Variants in HS3ST5 observed in about 807,000 individuals in gnomAD.
HS3ST5 encodes the protein heparan sulfate-glucosamine 3-sulfotransferase 5.
Under a neutral mutation model 25.4 loss-of-function variants are expected in HS3ST5, and 10 were observed. The observed-to-expected ratio is 0.39, with a 90% CI of 0.24 to 0.67. The LOEUF (loss-of-function observed/expected upper bound fraction) is 0.67. Ranked by LOEUF, HS3ST5 falls within the 30% of genes least tolerant of loss-of-function variation. The pLI, the probability that HS3ST5 is intolerant of heterozygous loss-of-function variation, is 0.44. For missense variants in HS3ST5, 324 were observed against 420.7 expected (o/e 0.77, Z 2.01); for synonymous variants, 170 against 162.4 (o/e 1.05, Z -0.36).
intron 2 of HS3ST5, among the ~76,000 whole-genome samples, chr6:114,191,908 A>T (rs1410178648): frequency 1.3e-5 from 2 of 152,190 alleles, no homozygotes; most frequent in Non-Finnish European, 2.9e-5. Flanking sequence ...CACGGCATTT[A>T]AATTTCAGTT....
At chr6:114,137,079 A>C (rs1373439673) in intron 3 of HS3ST5, among the ~76,000 whole-genome samples, 1 of 152,148 alleles carries the variant, frequency 6.6e-6, no homozygotes, top group Non-Finnish European at 1.5e-5. Flanking sequence ...TGGATATGAC[A>C]ATATAATGTA....
At chr6:114,177,179 AT>A (rs765063784) in intron 2 of HS3ST5, among the ~76,000 whole-genome samples, 367 of 152,128 alleles carry the variant, frequency 2.4e-3, no homozygotes, top group Non-Finnish European at 4.2e-3. Context: ...ATAATCTTGC[AT>A]TTTTTTTATC....
intron 1 of HS3ST5, among the ~76,000 whole-genome samples, chr6:114,284,923 C>T (rs984016650): frequency 3.3e-5 from 5 of 151,980 alleles, no homozygotes; most frequent in African/African-American, 9.7e-5. Flanking sequence ...CTGGATTGAT[C>T]TTCAGCTCAT....
intron 2 of HS3ST5, among the ~76,000 whole-genome samples, chr6:114,189,819 C>T (rs752477829): frequency 6.6e-6 from 1 of 152,114 alleles, no homozygotes; most frequent in Non-Finnish European, 1.5e-5. Context: ...ACTGTTATCT[C>T]CTCATTTTTG....
intron 3 of HS3ST5, among the ~76,000 whole-genome samples, chr6:114,126,425 GA>G (rs1318801963): frequency 1.3e-5 from 2 of 152,172 alleles, no homozygotes; most frequent in African/African-American, 2.4e-5. Flanking sequence ...GAGGTGGTAT[GA>G]AAAGCACTAT....
intron 1 of HS3ST5, among the ~76,000 whole-genome samples, chr6:114,276,991 C>T (rs1773885521): frequency 6.6e-6 from 1 of 152,068 alleles, no homozygotes; most frequent in South Asian, 2.1e-4. Context: ...GGGAGTGGTG[C>T]ATTTGGCAAA....
intron 2 of HS3ST5, among the ~76,000 whole-genome samples, chr6:114,221,591 A>G (rs985580272): frequency 6.6e-6 from 1 of 151,438 alleles, no homozygotes; most frequent in African/African-American, 2.4e-5. Flanking sequence ...ACTAAATTTT[A>G]CTGAAAAGTA....
chr6:114,274,495 A>T (rs1773767157), intron 1 of HS3ST5, among the ~76,000 whole-genome samples: 1 of 152,084 alleles, frequency 6.6e-6, no homozygotes, highest in South Asian at 2.1e-4. Flanking sequence ...AACTGAGGTT[A>T]TAAGGAAGAA....
chr6:114,207,973 C>T (rs2114413152), intron 2 of HS3ST5, among the ~76,000 whole-genome samples: 1 of 152,282 alleles, frequency 6.6e-6, no homozygotes, highest in Middle Eastern at 3.4e-3. Context: ...CAATACATCC[C>T]ATGTCTTACT....
At chr6:114,230,848 A>T (rs927752321) in intron 1 of HS3ST5, among the ~76,000 whole-genome samples, 4 of 151,984 alleles carry the variant, frequency 2.6e-5, no homozygotes, top group Non-Finnish European at 5.9e-5. Flanking sequence ...TCAGCCTCCC[A>T]AAGTGCTGGG....
intron 1 of HS3ST5, among the ~76,000 whole-genome samples, chr6:114,239,459 G>A (rs763655448): frequency 6.6e-6 from 1 of 152,294 alleles, no homozygotes; most frequent in Middle Eastern, 3.4e-3. Context: ...ATTGTGATGG[G>A]GTTTCCTTGG....
At chr6:114,293,107 T>C (rs556850036) in intron 1 of HS3ST5, among the ~76,000 whole-genome samples, 70 of 152,236 alleles carry the variant, frequency 4.6e-4, no homozygotes, top group African/African-American at 1.6e-3. Flanking sequence ...GGAGATGCAC[T>C]TAACTCAACT....
chr6:114,289,044 C>T (rs565646571), intron 1 of HS3ST5, among the ~76,000 whole-genome samples: 7 of 152,122 alleles, frequency 4.6e-5, no homozygotes, highest in Non-Finnish European at 8.8e-5. Flanking sequence ...ATAGTAGGCC[C>T]TTGATGAATG....
At chr6:114,174,742 C>G (rs548411682) in intron 2 of HS3ST5, among the ~76,000 whole-genome samples, 2 of 152,096 alleles carry the variant, frequency 1.3e-5, no homozygotes, top group East Asian at 3.9e-4. Context: ...CTCCTGTAAT[C>G]CCAGCACTTT....
At chr6:114,192,357 A>G (rs1051397349) in intron 2 of HS3ST5, among the ~76,000 whole-genome samples, 1 of 152,194 alleles carries the variant, frequency 6.6e-6, no homozygotes, top group African/African-American at 2.4e-5. Flanking sequence ...CTATCATCCC[A>G]TTTCACAGAT....
intron 2 of HS3ST5, among the ~76,000 whole-genome samples, chr6:114,221,248 A>G (rs1027325769): frequency 6.6e-6 from 1 of 152,026 alleles, no homozygotes; most frequent in Non-Finnish European, 1.5e-5. Flanking sequence ...AAATAAGTCT[A>G]AAAGTGGCAT....
chr6:114,315,059 G>A (rs1465272554), intron 1 of HS3ST5, among the ~76,000 whole-genome samples: 1 of 152,136 alleles, frequency 6.6e-6, no homozygotes, highest in East Asian at 1.9e-4. Context: ...TAGTTCCAAT[G>A]TAATTAAAGC....
intron 3 of HS3ST5, among the ~76,000 whole-genome samples, chr6:114,087,055 C>A (rs1185244856): frequency 6.6e-6 from 1 of 152,170 alleles, no homozygotes. Flanking sequence ...CTTCAGTGCT[C>A]ACCTGTGGGC....
At chr6:114,294,587 A>C (rs1324935864) in intron 1 of HS3ST5, among the ~76,000 whole-genome samples, 1 of 151,862 alleles carries the variant, frequency 6.6e-6, no homozygotes, top group Non-Finnish European at 1.5e-5. Flanking sequence ...CTGGGACTAC[A>C]GGCGCCCGCC....
Sources: allele counts gnomAD v4.1 joint callset (sites outside exome capture counted in the v4.1 genomes callset), GRCh38; gene constraint gnomAD v4.1.1; transcripts MANE v1.5; gene names NCBI Gene and HGNC (gene_info 2026-07-23, HGNC 2026-07-21).